Variants in OPCML observed in about 807,000 individuals in gnomAD.
The protein encoded by OPCML is opioid-binding protein/cell adhesion molecule.
In OPCML, 13 loss-of-function variants were observed where a neutral mutation model predicts 37.8. The ratio of observed to expected loss-of-function variants is 0.34; its 90% CI spans 0.22 to 0.55. The LOEUF is 0.55. Among genes scored for constraint, OPCML ranks in the 20% least tolerant of loss-of-function variants. The pLI is 0.91. For missense variants in OPCML, 341 were observed against 435.6 expected (o/e 0.78, Z 1.93); for synonymous variants, 176 against 168.8 (o/e 1.04, Z -0.33).
intron 1 of OPCML, among the ~76,000 whole-genome samples, chr11:132,961,529 C>A (rs1946093694): frequency 6.6e-6 from 1 of 152,060 alleles, no homozygotes; most frequent in African/African-American, 2.4e-5. Context: ...AAGTCAGTGC[C>A]GAGCACACTG....
intron 1 of OPCML, among the ~76,000 whole-genome samples, chr11:133,215,807 G>T (rs1939560759): frequency 6.6e-6 from 1 of 152,174 alleles, no homozygotes. Context: ...TGCACGAGCA[G>T]ACCCGCTGTT....
At chr11:133,082,858 G>A (rs1948755583) in intron 1 of OPCML, among the ~76,000 whole-genome samples, 1 of 149,758 alleles carries the variant, frequency 6.7e-6, no homozygotes, top group East Asian at 2.1e-4. Context: ...GGTGCCGGGG[G>A]CCCCTCCGAG....
At chr11:133,288,848 G>T (rs117066750) in intron 1 of OPCML, among the ~76,000 whole-genome samples, 2,614 of 152,232 alleles carry the variant, frequency 0.017, 30 homozygotes, top group Middle Eastern at 0.031. Context: ...TCGGCCAAAG[G>T]CTCATGGTAA....
chr11:132,993,595 C>T (rs1276477937), intron 1 of OPCML, among the ~76,000 whole-genome samples: 1 of 152,156 alleles, frequency 6.6e-6, no homozygotes, highest in Non-Finnish European at 1.5e-5. Context: ...CTGCCCCGCT[C>T]CCTACTTACA....
intron 4 of OPCML, among the ~76,000 whole-genome samples, chr11:132,439,975 G>A (rs1232325256): frequency 6.6e-6 from 1 of 152,168 alleles, no homozygotes; most frequent in Admixed American, 6.5e-5. Context: ...CAGATAAAAT[G>A]AGATCCATGA....
intron 4 of OPCML, among the ~76,000 whole-genome samples, chr11:132,474,362 T>C (rs756742460): frequency 8.5e-5 from 13 of 152,076 alleles, no homozygotes; most frequent in Non-Finnish European, 1.3e-4. Context: ...TTAAGAGGAA[T>C]TGGACCTCTT....
intron 1 of OPCML, among the ~76,000 whole-genome samples, chr11:133,511,265 C>A (rs1948150267): frequency 6.6e-6 from 1 of 152,156 alleles, no homozygotes; most frequent in Non-Finnish European, 1.5e-5. Context: ...TGCCTCTAAG[C>A]TTTAGCAACC....
intron 2 of OPCML, among the ~76,000 whole-genome samples, chr11:132,941,349 T>A (rs1219781172): frequency 1.3e-5 from 2 of 152,202 alleles, no homozygotes; most frequent in Admixed American, 1.3e-4. Context: ...AATTCACGAC[T>A]GAGATCCTAT....
intron 2 of OPCML, among the ~76,000 whole-genome samples, chr11:132,734,928 G>T (rs992673577): frequency 3.3e-5 from 5 of 152,154 alleles, no homozygotes; most frequent in Non-Finnish European, 4.4e-5. Context: ...TGAAAGAAAG[G>T]TGATTGTTAT....
intron 3 of OPCML, among the ~76,000 whole-genome samples, chr11:132,564,068 A>G (rs1449816714): frequency 6.6e-6 from 1 of 152,206 alleles, no homozygotes; most frequent in Non-Finnish European, 1.5e-5. Context: ...GCTGAGCAGC[A>G]TGAAGCCATC....
chr11:133,016,168 A>G (rs1358505468), intron 1 of OPCML, among the ~76,000 whole-genome samples: 2 of 152,186 alleles, frequency 1.3e-5, no homozygotes, highest in Non-Finnish European at 2.9e-5. Context: ...ACAGTTTATT[A>G]TCTCAAAGTG....
intron 2 of OPCML, among the ~76,000 whole-genome samples, chr11:132,692,232 G>A (rs1280372721): frequency 6.8e-6 from 1 of 148,052 alleles, no homozygotes; most frequent in Non-Finnish European, 1.5e-5. Context: ...GATGCTACAG[G>A]AAAAAAAAAA....
Position 133,352,519 on chromosome 11 carries a change from G to A in OPCML, c.61+179745C>T, listed in dbSNP as rs1371523492. Among the ~76,000 whole-genome samples the A allele has an allele frequency of 5.9e-5, 9 of 152,292 alleles. No homozygotes were observed. In the East Asian group the frequency reaches 7.7e-4, roughly 13 times the overall value. On this transcript the variant is annotated intron_variant, in intron 1 of 7. Coordinates refer to ENST00000524381, the MANE Select transcript of OPCML (RefSeq NM_001012393.5). Reference sequence around the variant, plus strand: ...CCTCTATTTCACAGAAGAAATCTACGTATGTATTTTGCATTATTATGTCTT... The same window carrying A: ...CCTCTATTTCACAGAAGAAATCTACATATGTATTTTGCATTATTATGTCTT...
chr11:132,699,617 T>G (rs1943731850), intron 2 of OPCML, among the ~76,000 whole-genome samples: 1 of 152,044 alleles, frequency 6.6e-6, no homozygotes, highest in Admixed American at 6.5e-5. Context: ...ATAACTTCTA[T>G]CTTTCATTCT....
At chr11:132,440,814 G>A (rs977495936) in intron 4 of OPCML, among the ~76,000 whole-genome samples, 4 of 152,298 alleles carry the variant, frequency 2.6e-5, no homozygotes, top group South Asian at 4.1e-4. Context: ...TGAATGCTGG[G>A]TGAAATTTTT....
rs758452735 is a variant in OPCML at position 133,103,890 on chromosome 11, G to A, written c.62-160880C>T. Among the ~76,000 whole-genome samples, 8 of 152,114 alleles carry A rather than the reference G, an allele frequency of 5.3e-5. No homozygotes were observed. The South Asian group carries it at 8.3e-4, about 16-fold the overall frequency. On this transcript the variant is annotated intron_variant, in intron 1 of 7. Coordinates refer to ENST00000524381, the MANE Select transcript of OPCML (RefSeq NM_001012393.5). ...CTCTTTTTCTTTCTCCCCATGCTCC[G>A]AAATTACCTCCAGCTTATTTGTCTG... is the stretch of plus-strand genomic sequence containing the variant.
In OPCML at chr11:133,422,605, C is replaced by T; in HGVS notation, c.61+109659G>A. The T allele has an allele frequency of 3.1e-6, 3 of 955,696 alleles. No individual in the cohort carries two copies. In the African/African-American group the frequency reaches 5.3e-5, roughly 17 times the overall value. 59.2% of individuals were successfully genotyped at this position (955,696 alleles called of 1,614,324 possible). A position where few individuals can be genotyped will look rare whatever the true frequency, so the allele number is the denominator to read the frequency against. On this transcript the variant is annotated intron_variant, in intron 1 of 7. Coordinates refer to ENST00000524381, the MANE Select transcript of OPCML (RefSeq NM_001012393.5). ...CTCCTGGGCTCAAGCAATCCTGCTA[C>T]CGCAGCCTCCCGAGTAGTTGAGATT...
intron 1 of OPCML, among the ~76,000 whole-genome samples, chr11:132,987,773 C>T (rs1349301250): frequency 2.0e-5 from 3 of 152,150 alleles, no homozygotes; most frequent in Non-Finnish European, 4.4e-5. Context: ...CTGAGGGCAT[C>T]AGCATAGAAA....
chr11:132,854,413 A>T (rs1485883613), intron 2 of OPCML, among the ~76,000 whole-genome samples: 3 of 152,186 alleles, frequency 2.0e-5, no homozygotes, highest in Non-Finnish European at 4.4e-5. Context: ...ATTGGTGATC[A>T]AATCAATGTT....
Sources: gnomAD v4.1 joint callset for allele counts (sites outside exome capture counted in the v4.1 genomes callset) on GRCh38, gnomAD v4.1.1 for gene constraint, MANE v1.5 for transcripts, NCBI Gene and HGNC (gene_info 2026-07-23, HGNC 2026-07-21) for gene names.